TFCP2L1: variants seen among roughly 807,000 people sequenced by gnomAD.
The protein encoded by TFCP2L1 is transcription factor CP2-like protein 1.
TFCP2L1 carries 12 observed loss-of-function variants against 72.2 expected under a neutral mutation model. The ratio of observed to expected loss-of-function variants is 0.17; its 90% confidence interval spans 0.11 to 0.27. The LOEUF (loss-of-function observed/expected upper bound fraction) is 0.27, where lower values mean the gene tolerates loss of function less well. Ranked by LOEUF, TFCP2L1 falls within the 10% of genes least tolerant of loss-of-function variation. The pLI, the probability that TFCP2L1 is intolerant of heterozygous loss-of-function variation, is 1.00. For missense variants in TFCP2L1, 488 were observed against 624.6 expected (o/e 0.78, Z 2.33); for synonymous variants, 260 against 251.0 (o/e 1.04, Z -0.34).
chr2:121,271,253 C>A (rs1048866589), intron 2 of TFCP2L1, among the ~76,000 whole-genome samples: 1 of 150,854 alleles, frequency 6.6e-6, no homozygotes, highest in Admixed American at 6.6e-5. Flanking sequence ...TAAATATGAT[C>A]CCATTTGTCT....
At chr2:121,237,957 T>G in intron 8 of TFCP2L1, 107 bp from the exon 9 acceptor site, 2 of 1,204,490 alleles carry the variant, frequency 1.7e-6, no homozygotes, top group Non-Finnish European at 2.4e-6. Flanking sequence ...ATGCAGGATT[T>G]GTTCTAAGTG....
chr2:121,257,429 G>T (rs1417633753), intron 2 of TFCP2L1, among the ~76,000 whole-genome samples: 1 of 152,108 alleles, frequency 6.6e-6, no homozygotes, highest in Non-Finnish European at 1.5e-5. Flanking sequence ...CACACAAACG[G>T]GTGTGGAAAC....
In TFCP2L1 at chr2:121,219,880, G is replaced by A. The variant is rs1685899279; in HGVS notation, c.*4461C>T. On this transcript the variant is annotated 3_prime_UTR_variant, in exon 15 of 15. Transcript: ENST00000263707. Reference sequence around the variant, plus strand: ...CAAGCCTGTATTTGTAAGAGGAGGAGATAGAGACCCAGAGAGGCAAAGAGA... The same window carrying A: ...CAAGCCTGTATTTGTAAGAGGAGGAAATAGAGACCCAGAGAGGCAAAGAGA... The A allele has an allele frequency of 1.3e-5, 2 of 152,206 alleles. No homozygotes were observed. Among genetic ancestry groups the A allele is most frequent in the African/African-American group, 2.4e-5 (1 of 41,444 alleles). The allele number at this position is 152,206 out of a possible 1,614,324, so 9.4% of individuals were successfully genotyped here.
chr2:121,217,201 A>G lies in TFCP2L1; in HGVS notation c.*7140T>C, dbSNP rs1055585299. ...TCTAACCTCCCAGTTGACTTCCTGA[A>G]AACTGGGCTAGTGGGGGCCTCCCCA... On this transcript the variant is annotated 3_prime_UTR_variant, in exon 15 of 15. Transcript: ENST00000263707. 2.6e-5 allele frequency: 4 copies of G among 152,288 alleles called. No homozygotes were observed. The East Asian group carries it at 7.7e-4, about 29-fold the overall frequency. The allele number at this position is 152,288 out of a possible 1,614,324, so 9.4% of individuals were successfully genotyped here.
rs184544308 is a variant in TFCP2L1 at position 121,252,469 on chromosome 2, T to C, written c.215-2822A>G. Among the ~76,000 whole-genome samples the C allele has an allele frequency of 2.0e-3, 310 of 152,306 alleles. 2 individuals carry two copies. Among genetic ancestry groups the C allele is most frequent in the Non-Finnish European group, 3.8e-3 (257 of 68,026 alleles). On this transcript the variant is annotated intron_variant, in intron 2 of 14. Coordinates refer to ENST00000263707, the MANE Select transcript of TFCP2L1 (RefSeq NM_014553.3). Reference sequence around the variant, plus strand: ...TCCCCGGAACCTGGAAATGTGACCTTATATTTGGAATAGTAGTCTTAGCAG... The same window carrying C: ...TCCCCGGAACCTGGAAATGTGACCTCATATTTGGAATAGTAGTCTTAGCAG...
chr2:121,259,130 T>G (rs1686784141), intron 2 of TFCP2L1, among the ~76,000 whole-genome samples: 1 of 151,954 alleles, frequency 6.6e-6, no homozygotes, highest in Non-Finnish European at 1.5e-5. Flanking sequence ...CCCAGCTATT[T>G]GGGAAGCTTG....
intron 4 of TFCP2L1, among the ~76,000 whole-genome samples, chr2:121,248,779 C>A (rs575880644): frequency 4.6e-5 from 7 of 152,340 alleles, no homozygotes; most frequent in South Asian, 2.1e-4. Flanking sequence ...ATTCCACAGA[C>A]CTTTCTTTTC....
At chr2:121,267,085 T>G (rs147525148) in intron 2 of TFCP2L1, among the ~76,000 whole-genome samples, 88 of 151,964 alleles carry the variant, frequency 5.8e-4, no homozygotes, top group African/African-American at 2.1e-3. Context: ...GCCCAGCTAA[T>G]TTTTGTATTT....
Position 121,218,723 on chromosome 2 carries a change from C to G in TFCP2L1, c.*5618G>C, listed in dbSNP as rs1685877415. The G allele has an allele frequency of 6.6e-6, 1 of 152,402 alleles. No homozygotes were observed. The highest frequency in any genetic ancestry group is 1.5e-5 in the Non-Finnish European group (1 of 68,180). 9.4% of individuals were successfully genotyped at this position (152,402 alleles called of 1,614,324 possible). ...GAGCTACTTCCTAAGGACACTGCCT[C>G]TAGAAGGCCCTAAAGTGGCAGAGCC... On this transcript the variant is annotated 3_prime_UTR_variant, in exon 15 of 15. Transcript: ENST00000263707.
chr2:121,248,338 C>T, intron 4 of TFCP2L1, 68 bp from the exon 5 acceptor site: 1 of 1,308,530 alleles, frequency 7.6e-7, no homozygotes, highest in East Asian at 2.5e-5. Flanking sequence ...GGGAAAGACC[C>T]CTGTTACAGG....
intron 7 of TFCP2L1, 57 bp downstream of exon 7, chr2:121,242,302 G>GC: frequency 1.4e-6 from 2 of 1,468,114 alleles, no homozygotes; most frequent in Non-Finnish European, 1.9e-6. Context: ...TAAACCAGCA[G>GC]CCCTGCTCCT....
intron 1 of TFCP2L1, among the ~76,000 whole-genome samples, chr2:121,282,233 C>T (rs1366403748): frequency 6.6e-6 from 1 of 150,892 alleles, no homozygotes; most frequent in Non-Finnish European, 1.5e-5. Flanking sequence ...GCGCCCAGCC[C>T]AGTCTATTTT....
intron 12 of TFCP2L1, among the ~76,000 whole-genome samples, chr2:121,232,385 C>T (rs904197718): frequency 1.3e-5 from 2 of 152,042 alleles, no homozygotes; most frequent in Non-Finnish European, 2.9e-5. Flanking sequence ...GTGATCCGCT[C>T]GCCTCAGCCT....
At chr2:121,243,257 C>G (rs183684451) in intron 6 of TFCP2L1, among the ~76,000 whole-genome samples, 1 of 152,368 alleles carries the variant, frequency 6.6e-6, no homozygotes, top group Admixed American at 6.5e-5. Context: ...AGTTTTACTA[C>G]CCACACAGCA....
chr2:121,238,852 C>T (rs1686304143), intron 8 of TFCP2L1, among the ~76,000 whole-genome samples: 2 of 152,120 alleles, frequency 1.3e-5, no homozygotes, highest in African/African-American at 4.8e-5. Context: ...ATCAAGTTCA[C>T]AGACAATCTC....
chr2:121,238,728 G>A (rs1320743835), intron 8 of TFCP2L1, among the ~76,000 whole-genome samples: 1 of 152,044 alleles, frequency 6.6e-6, no homozygotes, highest in Non-Finnish European at 1.5e-5. Flanking sequence ...GAGTCTCAGG[G>A]AGGTTAAGGG....
At chr2:121,262,327 T>C (rs184842232) in intron 2 of TFCP2L1, among the ~76,000 whole-genome samples, 2 of 152,030 alleles carry the variant, frequency 1.3e-5, no homozygotes, top group African/African-American at 4.8e-5. Context: ...TAGCCGGGCG[T>C]GGTGGCGGGC....
At chr2:121,240,522 C>T in intron 7 of TFCP2L1, 15 of 985,422 alleles carry the variant, frequency 1.5e-5, no homozygotes, top group Non-Finnish European at 1.8e-5. Flanking sequence ...CTAAATCCTA[C>T]AGCCCAAGGA....
chr2:121,247,983 T>C (rs1318563644), intron 5 of TFCP2L1, among the ~76,000 whole-genome samples, 181 bp downstream of exon 5: 1 of 152,228 alleles, frequency 6.6e-6, no homozygotes, highest in Non-Finnish European at 1.5e-5. Context: ...TCCCTAAATA[T>C]GGACCAATGA....
Sources: gnomAD v4.1 joint callset for allele counts (sites outside exome capture counted in the v4.1 genomes callset) on GRCh38, gnomAD v4.1.1 for gene constraint, MANE v1.5 for transcripts, NCBI Gene and HGNC (gene_info 2026-07-23, HGNC 2026-07-21) for gene names.